Variants in DIP2A observed in about 807,000 individuals in gnomAD.
DIP2A encodes the protein disco-interacting protein 2 homolog A.
DIP2A carries 85 observed loss-of-function variants against 177.4 expected under a neutral mutation model. That is an observed-to-expected ratio of 0.48 (90% CI 0.40 to 0.57). The LOEUF is 0.57. Ranked by LOEUF, DIP2A falls within the 20% of genes least tolerant of loss-of-function variation. The probability of loss-of-function intolerance (pLI) is 0.00; values close to 1 mark genes in which losing one functional copy is unlikely to be tolerated. For missense variants in DIP2A, 1,791 were observed against 2,100.2 expected, an observed-to-expected ratio of 0.85 and a Z score of 2.88; for synonymous variants, 886 against 881.8, an observed-to-expected ratio of 1.00 and a Z score of -0.08.
chr21:46,567,104 C>T (rs1038158096), intron 37 of DIP2A, among the ~76,000 whole-genome samples: 5 of 152,232 alleles, frequency 3.3e-5, no homozygotes, highest in Non-Finnish European at 7.3e-5. Context: ...GGTTGTGACT[C>T]CTGATTCCTT....
intron 16 of DIP2A, chr21:46,538,921 C>T (rs1179609596): frequency 7.1e-6 from 2 of 280,722 alleles, no homozygotes; most frequent in Non-Finnish European, 6.8e-6. Flanking sequence ...GCCTCATCCC[C>T]ACCCTCCTGC....
At position 46,511,364 on chromosome 21, in the gene DIP2A, T is replaced by A. The variant is rs922604024; in HGVS notation, c.905-53T>A. ...AAACTATGAATGCTTAAAAACAGAA[T>A]GTGTTCGTGGTGCTCTGAATTGCTG... On this transcript the variant is annotated intron_variant, in intron 7 of 37. Coordinates refer to ENST00000417564, the MANE Select transcript of DIP2A (RefSeq NM_015151.4). 8.7e-6 allele frequency: 13 copies of A among 1,497,346 alleles called. No individual in the cohort carries two copies. In the African/African-American group the frequency reaches 1.7e-4, roughly 19 times the overall value. 92.8% of individuals were successfully genotyped at this position (1,497,346 alleles called of 1,614,324 possible).
At chr21:46,478,281 C>T (rs1370638445) in intron 1 of DIP2A, among the ~76,000 whole-genome samples, 2 of 151,854 alleles carry the variant, frequency 1.3e-5, no homozygotes, top group Admixed American at 6.6e-5. Flanking sequence ...GGCGCGATCC[C>T]GGCTCACAGC....
chr21:46,578,667 G>A, the DIP2A span, among the ~76,000 whole-genome samples: 1 of 152,198 alleles, frequency 6.6e-6, no homozygotes, highest in South Asian at 2.1e-4. Flanking sequence ...TAATGTGAAG[G>A]GATGTTGAAT....
chr21:46,533,239 A>T (rs2059424891), intron 10 of DIP2A, among the ~76,000 whole-genome samples: 1 of 152,234 alleles, frequency 6.6e-6, no homozygotes, highest in Non-Finnish European at 1.5e-5. Flanking sequence ...ATGCTTCTAA[A>T]TGTCATTTGT....
At chr21:46,466,808 C>T (rs960604727) in intron 1 of DIP2A, among the ~76,000 whole-genome samples, 1 of 151,784 alleles carries the variant, frequency 6.6e-6, no homozygotes, top group African/African-American at 2.4e-5. Context: ...CCAAAAAAAC[C>T]ACACAGTACA....
chr21:46,552,275 T>TA (rs1421516549), intron 25 of DIP2A, among the ~76,000 whole-genome samples: 2 of 152,234 alleles, frequency 1.3e-5, no homozygotes, highest in African/African-American at 4.8e-5. Flanking sequence ...GTTTATTTTG[T>TA]AAAAAATTAG....
intron 23 of DIP2A, 71 bp from the exon 24 acceptor site, chr21:46,551,563 G>T (rs1335947833): frequency 7.6e-7 from 1 of 1,315,506 alleles, no homozygotes; most frequent in South Asian, 1.3e-5. Context: ...AATAAAAATT[G>T]TAAATAAAAT....
chr21:46,517,988 C>A (rs1375522407), intron 8 of DIP2A, among the ~76,000 whole-genome samples: 1 of 152,258 alleles, frequency 6.6e-6, no homozygotes, highest in African/African-American at 2.4e-5. Context: ...AGTTTTTAAA[C>A]TCATCTTAGG....
rs923946579 is a variant in DIP2A, at chr21:46,532,154, C to G, written c.1222C>G (p.Pro408Ala). ...RVALVFPNSD[P>A]VMFMVAFYGC... ...GGCGCTCGTGTTTCCGAATAGTGAC[C>G]CTGTGATGTTCATGGTTGCATTTTA... Residue 408 changes from proline to alanine, a missense_variant, in exon 10 of 38, where the codon CCT becomes GCT. By Grantham distance (27) the Pro-to-Ala change is conservative. Coordinates refer to ENST00000417564, the MANE Select transcript of DIP2A (RefSeq NM_015151.4). 13 of 1,613,460 alleles carry G rather than the reference C, an allele frequency of 8.1e-6. 1 individual carries two copies. Among genetic ancestry groups the G allele is most frequent in the South Asian group, 1.1e-5 (1 of 91,016 alleles).
At chr21:46,528,936 A>G (rs1164585092) in intron 8 of DIP2A, among the ~76,000 whole-genome samples, 156 bp from the exon 9 acceptor site, 1 of 152,208 alleles carries the variant, frequency 6.6e-6, no homozygotes. Context: ...AATGATGTTC[A>G]TTACAACATT....
chr21:46,494,031 TGTC>T (rs1033618270), intron 3 of DIP2A, among the ~76,000 whole-genome samples: 2 of 152,246 alleles, frequency 1.3e-5, no homozygotes, highest in African/African-American at 4.8e-5. Context: ...GTCATTTTGA[TGTC>T]GTAATAGTCT....
chr21:46,523,154 A>T (rs1265999920), intron 8 of DIP2A, among the ~76,000 whole-genome samples: 1 of 151,896 alleles, frequency 6.6e-6, no homozygotes, highest in Non-Finnish European at 1.5e-5. Flanking sequence ...CAAACTCCTG[A>T]CCTCAGGTGA....
At chr21:46,517,317 GA>G in intron 8 of DIP2A, among the ~76,000 whole-genome samples, 1 of 151,934 alleles carries the variant, frequency 6.6e-6, no homozygotes, top group Non-Finnish European at 1.5e-5. Flanking sequence ...GGGCTCAAGT[GA>G]CCTGCCTGCC....
Position 46,511,441 on chromosome 21 carries a change from C to A in DIP2A, c.929C>A (p.Pro310Gln). The change falls in exon 8 of 38, where the codon CCA (proline) becomes CAA (glutamine). Residue 310 changes from proline (P) to glutamine (Q), a missense_variant. By Grantham distance (76) the Pro-to-Gln change is moderately conservative. Transcript: ENST00000417564. ...LEVQQPDPNQ[P>Q]KPEGSETSVL... ...GTTCAGCAACCAGATCCAAATCAGC[C>A]AAAGCCTGAGGGAAGCGAGACGAGT... The A allele has an allele frequency of 6.2e-7, 1 of 1,611,820 alleles. No homozygotes were observed.
intron 33 of DIP2A, 119 bp from the exon 34 acceptor site, chr21:46,561,629 C>T: frequency 7.7e-7 from 1 of 1,305,978 alleles, no homozygotes; most frequent in Non-Finnish European, 1.1e-6. Context: ...GAAAGGTTGA[C>T]ATCCTGACTG....
chr21:46,531,935 C>T (rs543071843), intron 9 of DIP2A, among the ~76,000 whole-genome samples, 192 bp from the exon 10 acceptor site: 11 of 152,222 alleles, frequency 7.2e-5, no homozygotes, highest in East Asian at 1.9e-4. Context: ...TTCATTGTTG[C>T]GTGTTCTCAA....
downstream of DIP2A, among the ~76,000 whole-genome samples, chr21:46,572,102 T>C (rs1249879070): frequency 2.0e-5 from 3 of 152,224 alleles, no homozygotes; most frequent in African/African-American, 7.2e-5. Context: ...TGACAGGTTT[T>C]AGCTTTTAAT....
intron 8 of DIP2A, among the ~76,000 whole-genome samples, 190 bp downstream of exon 8, chr21:46,511,804 C>A: frequency 6.6e-6 from 1 of 152,166 alleles, no homozygotes; most frequent in East Asian, 1.9e-4. Flanking sequence ...TGGTGACTGC[C>A]ATTGCTCTGG....
Sources: gnomAD v4.1 joint callset for allele counts (sites outside exome capture counted in the v4.1 genomes callset) on GRCh38, gnomAD v4.1.1 for gene constraint, MANE v1.5 for transcripts, NCBI Gene and HGNC (gene_info 2026-07-23, HGNC 2026-07-21) for gene names.